Variants in AUTS2 observed in about 807,000 individuals in gnomAD.
AUTS2 encodes the protein autism susceptibility gene 2 protein.
AUTS2 carries 17 observed loss-of-function variants against 112.4 expected under a neutral mutation model. That is an observed-to-expected ratio of 0.15 (90% CI 0.10 to 0.23). The LOEUF (loss-of-function observed/expected upper bound fraction) is 0.23. Among genes scored for constraint, AUTS2 ranks in the 10% least tolerant of loss-of-function variants. AUTS2 has a pLI of 1.00. For missense variants in AUTS2, 1,510 were observed against 1,701.6 expected (o/e 0.89, Z 1.98); for synonymous variants, 751 against 702.7 (o/e 1.07, Z -1.09).
At position 69,803,381 on chromosome 7, in the gene AUTS2, C is replaced by T. The variant is rs141292750; in HGVS notation, c.310-95905C>T. ...GGGGCCATCTAGAAGCCACCGATGC[C>T]CACTAATATAACAAAACTCACTGGG... On this transcript the variant is annotated intron_variant, in intron 1 of 18. Transcript: ENST00000342771. Among the ~76,000 whole-genome samples the T allele has an allele frequency of 6.2e-4, 95 of 152,104 alleles. 1 individual carries two copies. Among genetic ancestry groups the T allele is most frequent in the Admixed American group, 1.7e-3 (26 of 15,282 alleles).
At chr7:69,666,251 A>G (rs950234261) in intron 1 of AUTS2, among the ~76,000 whole-genome samples, 2 of 152,222 alleles carry the variant, frequency 1.3e-5, no homozygotes, top group African/African-American at 4.8e-5. Flanking sequence ...CTTCTGACCA[A>G]CATGTATACA....
chr7:70,422,169 T>G (rs1795251366), intron 4 of AUTS2, among the ~76,000 whole-genome samples: 1 of 152,206 alleles, frequency 6.6e-6, no homozygotes, highest in South Asian at 2.1e-4. Flanking sequence ...TGAACCATTC[T>G]CATTATCTCA....
intron 1 of AUTS2, among the ~76,000 whole-genome samples, chr7:69,827,929 C>T (rs551819333): frequency 2.0e-5 from 3 of 152,278 alleles, no homozygotes; most frequent in South Asian, 2.1e-4. Context: ...CTTTTGTAGA[C>T]GAGAGTGCTC....
intron 10 of AUTS2, 152 bp downstream of exon 10, chr7:70,768,220 T>C (rs1790059518): frequency 1.3e-6 from 1 of 747,174 alleles, no homozygotes; most frequent in Non-Finnish European, 2.2e-6. Context: ...GCTTTTGTGG[T>C]GTTTTGCTTT....
intron 5 of AUTS2, among the ~76,000 whole-genome samples, chr7:70,543,198 G>A (rs1487051478): frequency 6.6e-6 from 1 of 152,124 alleles, no homozygotes; most frequent in Non-Finnish European, 1.5e-5. Context: ...GTATTATAAA[G>A]AGCTCTATAA....
chr7:69,812,264 A>G (rs375636413), intron 1 of AUTS2, among the ~76,000 whole-genome samples: 1 of 152,172 alleles, frequency 6.6e-6, no homozygotes, highest in Non-Finnish European at 1.5e-5. Context: ...TAATTAGGGT[A>G]TTTCTGGGAG....
At position 70,771,323 on chromosome 7, in the gene AUTS2, C is replaced by T. The variant is rs28475225; in HGVS notation, c.1735-226C>T. On this transcript the variant is annotated intron_variant, in intron 10 of 18. Transcript: ENST00000342771. Reference sequence around the variant, plus strand: ...CTCCCTTTCTAATGATGCCCTCACCCGGGATGTCATTTGCTGGCTGATTGA... The same window carrying T: ...CTCCCTTTCTAATGATGCCCTCACCTGGGATGTCATTTGCTGGCTGATTGA... The T allele has an allele frequency of 3.2e-3, 1,196 of 371,742 alleles. 11 individuals are homozygous for T. The highest frequency in any genetic ancestry group is 0.019 in the African/African-American group (929 of 49,276). The allele number at this position is 371,742 out of a possible 1,614,324, so 23.0% of individuals were successfully genotyped here.
intron 2 of AUTS2, among the ~76,000 whole-genome samples, chr7:70,115,058 A>G (rs949463500): frequency 6.6e-6 from 1 of 152,184 alleles, no homozygotes; most frequent in African/African-American, 2.4e-5. Flanking sequence ...CTGGCAGGGC[A>G]CTGGGAAGGC....
At chr7:70,647,178 G>A (rs928519541) in intron 5 of AUTS2, among the ~76,000 whole-genome samples, 3 of 152,288 alleles carry the variant, frequency 2.0e-5, no homozygotes, top group Admixed American at 6.5e-5. Flanking sequence ...TGATATAAAG[G>A]AGCCCAAACT....
At chr7:70,333,807 G>C (rs142474585) in intron 4 of AUTS2, among the ~76,000 whole-genome samples, 48 of 152,230 alleles carry the variant, frequency 3.2e-4, no homozygotes, top group African/African-American at 9.4e-4. Context: ...GGGCCTGTTG[G>C]GGGGTGGAGG....
At chr7:69,983,897 C>A (rs1048435939) in intron 2 of AUTS2, among the ~76,000 whole-genome samples, 1 of 152,082 alleles carries the variant, frequency 6.6e-6, no homozygotes, top group Non-Finnish European at 1.5e-5. Flanking sequence ...CCCTTATAAA[C>A]CCTTATAAAA....
chr7:69,801,527 G>GTA (rs370089052), intron 1 of AUTS2, among the ~76,000 whole-genome samples: 4 of 149,958 alleles, frequency 2.7e-5, no homozygotes, highest in Non-Finnish European at 5.9e-5. Flanking sequence ...AGATATATAG[G>GTA]TATATATATG....
At position 70,733,334 on chromosome 7, in the gene AUTS2, G is replaced by A. The variant is rs556662294; in HGVS notation, c.743-29536G>A. 2.2e-4 allele frequency among the ~76,000 whole-genome samples: 33 copies of A among 152,272 alleles called. No individual in the cohort carries two copies. The South Asian group carries it at 6.6e-3, about 31-fold the overall frequency. ...CTCAGAGTCATGGAATAGTTCTATT[G>A]CATAAACAGAGCATTTTATGGAAAC... On this transcript the variant is annotated intron_variant, in intron 6 of 18. Transcript: ENST00000342771.
chr7:70,607,826 A>G (rs963752270), intron 5 of AUTS2, among the ~76,000 whole-genome samples: 5 of 152,250 alleles, frequency 3.3e-5, no homozygotes, highest in African/African-American at 1.2e-4. Context: ...TGCATTGTAG[A>G]AGTAAAATTG....
chr7:70,546,931 T>C (rs1800811821), intron 5 of AUTS2, among the ~76,000 whole-genome samples: 1 of 152,212 alleles, frequency 6.6e-6, no homozygotes. Flanking sequence ...TGCTTTGTTG[T>C]TTTGTGTGTT....
intron 5 of AUTS2, among the ~76,000 whole-genome samples, chr7:70,525,789 A>T (rs1371614820): frequency 1.3e-5 from 2 of 152,226 alleles, no homozygotes; most frequent in Non-Finnish European, 2.9e-5. Context: ...AAGCCCACAG[A>T]AGTGAGAGAG....
At chr7:69,621,654 C>A (rs1793669280) in intron 1 of AUTS2, among the ~76,000 whole-genome samples, 1 of 152,136 alleles carries the variant, frequency 6.6e-6, no homozygotes, top group Non-Finnish European at 1.5e-5. Context: ...TAATTTGTGT[C>A]ACTCATACTT....
intron 6 of AUTS2, among the ~76,000 whole-genome samples, chr7:70,702,772 G>A (rs1165491339): frequency 2.6e-5 from 4 of 152,062 alleles, no homozygotes; most frequent in African/African-American, 4.8e-5. Flanking sequence ...AGCACCAGAC[G>A]CAACGCTCTG....
intron 2 of AUTS2, among the ~76,000 whole-genome samples, chr7:69,909,084 A>G (rs1291899969): frequency 2.0e-5 from 3 of 152,206 alleles, no homozygotes; most frequent in Non-Finnish European, 4.4e-5. Context: ...AAATTGCAAT[A>G]TTGTTAGCAA....
Sources: allele counts gnomAD v4.1 joint callset (sites outside exome capture counted in the v4.1 genomes callset), GRCh38; gene constraint gnomAD v4.1.1; transcripts MANE v1.5; gene names NCBI Gene and HGNC (gene_info 2026-07-23, HGNC 2026-07-21).